Variants in TSPEAR observed in about 807,000 individuals in gnomAD.
TSPEAR encodes thrombospondin-type laminin G domain and EAR repeat-containing protein.
Under a neutral mutation model 71.6 loss-of-function variants are expected in TSPEAR, and 69 were observed. The observed-to-expected ratio is 0.96, with a 90% CI of 0.79 to 1.18. The LOEUF is 1.18. Ranked by LOEUF, TSPEAR falls within the 50% of genes most tolerant of loss-of-function variation. The pLI, the probability that TSPEAR is intolerant of heterozygous loss-of-function variation, is 0.00. For synonymous variants in TSPEAR, 402 were observed against 387.2 expected (o/e 1.04, Z -0.45); for missense variants, 971 against 894.9 (o/e 1.09, Z -1.09).
At chr21:44,707,855 C>A (rs534563806) in intron 1 of TSPEAR, among the ~76,000 whole-genome samples, 81 of 152,104 alleles carry the variant, frequency 5.3e-4, no homozygotes, top group Non-Finnish European at 9.3e-4. Context: ...ATGCCACAAG[C>A]CCTAGGCCCA....
intron 1 of TSPEAR, among the ~76,000 whole-genome samples, chr21:44,706,811 A>G (rs1220212662): frequency 6.6e-6 from 1 of 152,146 alleles, no homozygotes; most frequent in Non-Finnish European, 1.5e-5. Context: ...TGAGCCCCTG[A>G]CAGTGCCCAA....
intron 2 of TSPEAR, among the ~76,000 whole-genome samples, chr21:44,560,920 G>C (rs1555920940): frequency 6.6e-6 from 1 of 152,094 alleles, no homozygotes; most frequent in African/African-American, 2.4e-5. Flanking sequence ...ACAATTAAAA[G>C]AACTAGAGAA....
intron 1 of TSPEAR, chr21:44,627,024 G>C: frequency 7.9e-7 from 1 of 1,268,720 alleles, no homozygotes; most frequent in Non-Finnish European, 1.1e-6. Flanking sequence ...CAACAAGGAA[G>C]GGGAAGCTGT....
At chr21:44,508,939 G>A (rs1555912240) in intron 10 of TSPEAR, 3 of 1,532,710 alleles carry the variant, frequency 2.0e-6, no homozygotes, top group Non-Finnish European at 2.7e-6. Flanking sequence ...GGTAATGGGT[G>A]TGAAGGGGCA....
chr21:44,534,606 T>G (rs2053056406), intron 2 of TSPEAR, among the ~76,000 whole-genome samples: 1 of 151,936 alleles, frequency 6.6e-6, no homozygotes, highest in Non-Finnish European at 1.5e-5. Flanking sequence ...CCCCACACAC[T>G]AGGATGGCTA....
chr21:44,685,828 A>G lies in TSPEAR; in HGVS notation c.82+25605T>C, dbSNP rs544408494. Among the ~76,000 whole-genome samples the G allele has an allele frequency of 1.4e-3, 206 of 152,318 alleles. 1 individual carries two copies. Among genetic ancestry groups the G allele is most frequent in the Non-Finnish European group, 2.0e-3 (139 of 68,018 alleles). ...CACCTCTGCAGTGGTGCAGACACGC[A>G]CCCATTGTGCAAACCCTCTATGACT... is the stretch of plus-strand genomic sequence containing the variant. On this transcript the variant is annotated intron_variant, in intron 1 of 11. Coordinates refer to ENST00000323084, the MANE Select transcript of TSPEAR (RefSeq NM_144991.3).
rs368672751 is a variant in TSPEAR, at chr21:44,592,533, G to C, written c.83-24528C>G. On this transcript the variant is annotated intron_variant, in intron 1 of 11. Transcript: ENST00000323084. ...TGAGGGAGTGAGCCTGTGAGGTGCT[G>C]AGGCTCTCGGGCTTTTATTCCACCT... The C allele has an allele frequency of 1.9e-6, 3 of 1,563,066 alleles. No individual in the cohort carries two copies. The African/African-American group carries it at 4.1e-5, about 21-fold the overall frequency.
At chr21:44,666,527 G>A in intron 1 of TSPEAR, 1 of 1,613,012 alleles carries the variant, frequency 6.2e-7, no homozygotes, top group Non-Finnish European at 8.5e-7. Context: ...CAGAGGACTG[G>A]CAGGACGGAG....
chr21:44,643,945 G>A (rs1438042407), intron 1 of TSPEAR, among the ~76,000 whole-genome samples: 2 of 152,234 alleles, frequency 1.3e-5, no homozygotes, highest in Admixed American at 6.5e-5. Flanking sequence ...CAGCCACGAC[G>A]AAAGGGAGTC....
chr21:44,500,064 G>T, intron 11 of TSPEAR, 128 bp from the exon 12 acceptor site: 1 of 952,706 alleles, frequency 1.0e-6, no homozygotes, highest in Non-Finnish European at 1.5e-6. Flanking sequence ...CCATCCCCCC[G>T]ACTGGCACAG....
At chr21:44,697,812 G>A (rs1466823636) in intron 1 of TSPEAR, 3 of 1,612,762 alleles carry the variant, frequency 1.9e-6, no homozygotes, top group Non-Finnish European at 2.5e-6. Flanking sequence ...CCTGTGTGCA[G>A]ACCCGCCCGC....
chr21:44,657,350 G>A (rs1047566553), intron 1 of TSPEAR, among the ~76,000 whole-genome samples: 1 of 152,170 alleles, frequency 6.6e-6, no homozygotes, highest in Non-Finnish European at 1.5e-5. Flanking sequence ...GGCAGGGTTG[G>A]CTAACTTTCT....
chr21:44,664,095 C>T lies in TSPEAR; in HGVS notation c.82+47338G>A, dbSNP rs192180722. ...CTCTGCTATTTATTACCATACTGGA[C>T]TTCCTAAACAGTGAAGTAAAAAGCA... is the stretch of plus-strand genomic sequence containing the variant. On this transcript the variant is annotated intron_variant, in intron 1 of 11. Coordinates refer to ENST00000323084, the MANE Select transcript of TSPEAR (RefSeq NM_144991.3). 5.3e-5 allele frequency among the ~76,000 whole-genome samples: 8 copies of T among 152,250 alleles called. No homozygotes were observed. In the East Asian group the frequency reaches 1.3e-3, roughly 26 times the overall value.
rs1280413445 is a variant in TSPEAR, at chr21:44,499,259, G to A, written c.*524C>T. On this transcript the variant is annotated 3_prime_UTR_variant, in exon 12 of 12. Transcript: ENST00000323084. ...GTGGTCCTCTGTCCGTGTCCGTGGT[G>A]AGGGGCTGTGCCCACCCGCTGCCTA... 2 of 152,790 alleles carry A rather than the reference G, an allele frequency of 1.3e-5. No individual in the cohort carries two copies. Among genetic ancestry groups the A allele is most frequent in the Non-Finnish European group, 2.9e-5 (2 of 68,262 alleles). The allele number at this position is 152,790 out of a possible 1,614,324, so 9.5% of individuals were successfully genotyped here. A position where few individuals can be genotyped will look rare whatever the true frequency, so the allele number is the denominator to read the frequency against.
At chr21:44,515,318 T>G (rs1555913243) in intron 9 of TSPEAR, among the ~76,000 whole-genome samples, 1 of 152,182 alleles carries the variant, frequency 6.6e-6, no homozygotes, top group African/African-American at 2.4e-5. Flanking sequence ...GTGTGCGTGG[T>G]CCCAGCGCCT....
intron 9 of TSPEAR, among the ~76,000 whole-genome samples, chr21:44,512,617 G>A (rs937853638): frequency 2.0e-5 from 3 of 152,182 alleles, no homozygotes; most frequent in Non-Finnish European, 4.4e-5. Flanking sequence ...TTGGGAATGC[G>A]CGAGACGGGC....
chr21:44,628,513 C>A (rs1339133422), intron 1 of TSPEAR, among the ~76,000 whole-genome samples: 1 of 151,986 alleles, frequency 6.6e-6, no homozygotes, highest in East Asian at 1.9e-4. Context: ...TTGTGTGACA[C>A]CTGGAAGCTC....
Position 44,506,792 on chromosome 21 carries a change from G to C in TSPEAR, c.1755-1911C>G, listed in dbSNP as rs756884518. On this transcript the variant is annotated intron_variant, in intron 10 of 11. Transcript: ENST00000323084. This position sits in a 1 kb window ranked among gnomAD's most constrained non-coding sequence, Gnocchi z 4.2. ...AGCTCTGAAACCCAGACCCGAGGAA[G>C]ACAAGCGGCCACGTCGGATGTACCA... The C allele has an allele frequency of 2.6e-5, 4 of 152,210 alleles. No individual in the cohort carries two copies. Among genetic ancestry groups the C allele is most frequent in the African/African-American group, 9.6e-5 (4 of 41,466 alleles). 9.4% of individuals were successfully genotyped at this position (152,210 alleles called of 1,614,324 possible).
In TSPEAR at chr21:44,521,682, G is replaced by A. The variant is rs976380879; in HGVS notation, c.1566+201C>T. 3.9e-5 allele frequency among the ~76,000 whole-genome samples: 6 copies of A among 152,228 alleles called. 1 individual carries two copies. The highest frequency in any genetic ancestry group is 3.3e-4 in the Admixed American group (5 of 15,282). On this transcript the variant is annotated intron_variant, in intron 9 of 11. Transcript: ENST00000323084. ...TCCCTGGGCGCACAGAGGCTCTCAGGCAAGAAGGGCTCAGACGCCAGGCAA... is the reference window on the plus strand; with the variant it reads ...TCCCTGGGCGCACAGAGGCTCTCAGACAAGAAGGGCTCAGACGCCAGGCAA...
Sources: allele counts gnomAD v4.1 joint callset (sites outside exome capture counted in the v4.1 genomes callset), GRCh38; gene constraint gnomAD v4.1.1; non-coding constraint Gnocchi (gnomAD v3.1); transcripts MANE v1.5; gene names NCBI Gene and HGNC (gene_info 2026-07-23, HGNC 2026-07-21).